The following PRRG4 variants were observed in gnomAD, a reference collection of about 807,000 sequenced individuals.
PRRG4 encodes the protein transmembrane gamma-carboxyglutamic acid protein 4.
Under a neutral mutation model 20.0 loss-of-function variants are expected in PRRG4, and 12 were observed. The observed-to-expected ratio is 0.60, with a 90% CI of 0.38 to 0.97. PRRG4 has a LOEUF of 0.97. PRRG4 is among the 50% of genes least tolerant of loss of function. PRRG4 has a pLI of 0.00. For synonymous variants in PRRG4, 94 were observed against 96.4 expected, an observed-to-expected ratio of 0.98 and a Z score of 0.15; for missense variants, 199 against 265.1, an observed-to-expected ratio of 0.75 and a Z score of 1.73.
chr11:32,857,501 C>A lies in PRRG4; in HGVS notation c.*3974C>A, dbSNP rs2133456148. The A allele has an allele frequency of 6.6e-6, 1 of 152,300 alleles. No individual in the cohort carries two copies. The highest frequency in any genetic ancestry group is 1.9e-4 in the East Asian group (1 of 5,178). 9.4% of individuals were successfully genotyped at this position (152,300 alleles called of 1,614,324 possible). ...TCTGAACAAATACATAGAGAAAACT[C>A]TCAGAACAATTAAAACCTGCAGAGC... On this transcript the variant is annotated 3_prime_UTR_variant, in exon 6 of 6. Coordinates refer to ENST00000257836, the MANE Select transcript of PRRG4 (RefSeq NM_024081.6).
At chr11:32,837,525 TG>T (rs1851032314) in intron 3 of PRRG4, among the ~76,000 whole-genome samples, 9 of 110,544 alleles carry the variant, frequency 8.1e-5, no homozygotes, top group African/African-American at 3.2e-4. Context: ...ATGATGATGA[TG>T]ATGATGATGA....
chr11:32,845,421 C>G (rs1237848603), intron 5 of PRRG4, among the ~76,000 whole-genome samples: 1 of 151,956 alleles, frequency 6.6e-6, no homozygotes, highest in East Asian at 1.9e-4. Flanking sequence ...GTCAGGAGAT[C>G]GAGACCATCC....
Position 32,840,494 on chromosome 11 carries a change from ATTAAC to A in PRRG4, c.449+257_449+261del, listed in dbSNP as rs929981573. On this transcript the variant is annotated intron_variant, in intron 5 of 5. Coordinates refer to ENST00000257836, the MANE Select transcript of PRRG4 (RefSeq NM_024081.6). This position sits in a 1 kb window ranked among gnomAD's most constrained non-coding sequence, Gnocchi z 4.1. Reference sequence around the variant, plus strand: ...AAGAAAATGACATTGGTTCATGACTATTAACTAAACTCCAGACTTTGATTTCAGCA... The same window carrying A: ...AAGAAAATGACATTGGTTCATGACTATAAACTCCAGACTTTGATTTCAGCA... 4.6e-5 allele frequency among the ~76,000 whole-genome samples: 7 copies of A among 152,192 alleles called. No homozygotes were observed. Among genetic ancestry groups the A allele is most frequent in the Admixed American group, 4.6e-4 (7 of 15,274 alleles).
chr11:32,830,300 C>T, intron 1 of PRRG4, 127 bp downstream of exon 1: 1 of 849,958 alleles, frequency 1.2e-6, no homozygotes, highest in Non-Finnish European at 1.6e-6. Context: ...GATCAGCCCT[C>T]GGCAGGGTCA....
At position 32,853,468 on chromosome 11, in the gene PRRG4, C is replaced by A. The variant is rs144327688; in HGVS notation, c.622C>A (p.Pro208Thr). ...CAGTGTTTCACCACCACCACCATAT[C>A]CTGGGCACACAAAAGGATTTAGGGT... The part of the protein sequence containing the change: ...KHSVSPPPPY[P>T]GHTKGFRVFK... The change falls in exon 6 of 6, where the codon CCT becomes ACT. Residue 208 changes from proline (P) to threonine (T), a missense_variant. Pro to Thr is a conservative substitution (Grantham distance 38). Coordinates refer to ENST00000257836, the MANE Select transcript of PRRG4 (RefSeq NM_024081.6). The A allele has an allele frequency of 6.2e-7, 1 of 1,614,002 alleles. No individual in the cohort carries two copies. The highest frequency in any genetic ancestry group is 1.3e-5 in the African/African-American group (1 of 74,902).
At chr11:32,837,747 A>G (rs1315563208) in intron 3 of PRRG4, among the ~76,000 whole-genome samples, 2 of 151,812 alleles carry the variant, frequency 1.3e-5, no homozygotes, top group African/African-American at 2.4e-5. Flanking sequence ...TAGTAGAGAC[A>G]GGGTTTCACC....
chr11:32,829,843 T>C (rs1005231046), upstream of PRRG4: 27 of 985,264 alleles, frequency 2.7e-5, no homozygotes, highest in Non-Finnish European at 3.1e-5. Flanking sequence ...GCCGGCCCAC[T>C]GCCCGCCCGC....
At chr11:32,835,617 G>A (rs988055144) in intron 2 of PRRG4, among the ~76,000 whole-genome samples, 3 of 152,152 alleles carry the variant, frequency 2.0e-5, no homozygotes, top group Admixed American at 1.3e-4. Flanking sequence ...AAATGTAAAG[G>A]GAACCTTATA....
At position 32,855,729 on chromosome 11, in the gene PRRG4, C is replaced by A. The variant is rs1484507064; in HGVS notation, c.*2202C>A. On this transcript the variant is annotated 3_prime_UTR_variant, in exon 6 of 6. Coordinates refer to ENST00000257836, the MANE Select transcript of PRRG4 (RefSeq NM_024081.6). ...AAATCTAACTTGCTTTTAAAAGTTA[C>A]CCACGTTGCATATAAAAATCTTGCT... 1.3e-5 allele frequency: 2 copies of A among 152,174 alleles called. No individual in the cohort carries two copies. The highest frequency in any genetic ancestry group is 2.4e-5 in the African/African-American group (1 of 41,434). The allele number at this position is 152,174 out of a possible 1,614,324, so 9.4% of individuals were successfully genotyped here.
At chr11:32,830,443 G>T (rs925496032) in intron 1 of PRRG4, 65 bp from the exon 2 acceptor site, 12 of 1,230,340 alleles carry the variant, frequency 9.8e-6, no homozygotes, top group African/African-American at 4.8e-5. Flanking sequence ...GATTCAGTTC[G>T]ACAGAAACTC....
At chr11:32,836,096 C>T (rs572596263) in intron 2 of PRRG4, among the ~76,000 whole-genome samples, 2 of 151,748 alleles carry the variant, frequency 1.3e-5, no homozygotes, top group South Asian at 4.2e-4. Flanking sequence ...AGTGAGGCCC[C>T]CTCTCAAAAA....
chr11:32,838,189 G>A lies in PRRG4; in HGVS notation c.268-693G>A, dbSNP rs185994517. ...TAAGATCTCCCAGAAGGGCACAGTG[G>A]CTCATGCTTGTAATCCCAGCACTTT... is the stretch of plus-strand genomic sequence containing the variant. On this transcript the variant is annotated intron_variant, in intron 3 of 5. Transcript: ENST00000257836. Among the ~76,000 whole-genome samples, 28 of 152,256 alleles carry A rather than the reference G, an allele frequency of 1.8e-4. No individual in the cohort carries two copies. The East Asian group carries it at 5.4e-3, about 29-fold the overall frequency.
At chr11:32,847,713 A>G (rs1178174094) in intron 5 of PRRG4, among the ~76,000 whole-genome samples, 1 of 152,246 alleles carries the variant, frequency 6.6e-6, no homozygotes, top group Non-Finnish European at 1.5e-5. Context: ...CCATAGTAGC[A>G]TTATTCAAAT....
At chr11:32,837,139 A>G (rs930653595) in intron 3 of PRRG4, among the ~76,000 whole-genome samples, 5 of 152,086 alleles carry the variant, frequency 3.3e-5, no homozygotes, top group African/African-American at 1.2e-4. Flanking sequence ...GGCTTCAATC[A>G]TTTATGGCGG....
At position 32,841,294 on chromosome 11, in the gene PRRG4, T is replaced by C. The variant is rs1366057209; in HGVS notation, c.449+1055T>C. 2.0e-5 allele frequency among the ~76,000 whole-genome samples: 3 copies of C among 152,190 alleles called. No individual in the cohort carries two copies. In the East Asian group the frequency reaches 5.8e-4, roughly 29 times the overall value. ...TTTATCATATATATTAGAAGACTCT[T>C]TGTCTTCTAAATTAATAATAGCTTT... is the stretch of plus-strand genomic sequence containing the variant. On this transcript the variant is annotated intron_variant, in intron 5 of 5. Transcript: ENST00000257836.
rs1305760474 is a variant in PRRG4, at chr11:32,840,488, A to G, written c.449+249A>G. Reference sequence around the variant, plus strand: ...AAAACTAAGAAAATGACATTGGTTCATGACTATTAACTAAACTCCAGACTT... The same window carrying G: ...AAAACTAAGAAAATGACATTGGTTCGTGACTATTAACTAAACTCCAGACTT... On this transcript the variant is annotated intron_variant, in intron 5 of 5. Coordinates refer to ENST00000257836, the MANE Select transcript of PRRG4 (RefSeq NM_024081.6). This position sits in a 1 kb window ranked among gnomAD's most constrained non-coding sequence, Gnocchi z 4.1. Among the ~76,000 whole-genome samples, 1 of 152,216 alleles carries G rather than the reference A, an allele frequency of 6.6e-6. No individual in the cohort carries two copies. The highest frequency in any genetic ancestry group is 1.5e-5 in the Non-Finnish European group (1 of 68,040).
rs376528766 is a variant in PRRG4, at chr11:32,853,368, G to A, written c.522G>A (p.Leu174=). The A allele has an allele frequency of 2.5e-6, 4 of 1,613,996 alleles. No individual in the cohort carries two copies. The highest frequency in any genetic ancestry group is 3.4e-6 in the Non-Finnish European group (4 of 1,180,028). Reference sequence around the variant, plus strand: ...TCAGAAGACCTGAGGAGGCTGCCTTGTCTCCATTGCCGCCTTCTGTGGAGG... The same window carrying A: ...TCAGAAGACCTGAGGAGGCTGCCTTATCTCCATTGCCGCCTTCTGTGGAGG... ...IIFRRPEEAA[L]SPLPPSVEDA... Residue 174 remains leucine, a synonymous_variant, in exon 6 of 6, where the codon TTG becomes TTA. Coordinates refer to ENST00000257836, the MANE Select transcript of PRRG4 (RefSeq NM_024081.6).
Position 32,856,038 on chromosome 11 carries a change from A to G in PRRG4, c.*2511A>G, listed in dbSNP as rs900830937. The G allele has an allele frequency of 6.6e-6, 1 of 152,218 alleles. No homozygotes were observed. The highest frequency in any genetic ancestry group is 1.5e-5 in the Non-Finnish European group (1 of 68,030). 9.4% of individuals were successfully genotyped at this position (152,218 alleles called of 1,614,324 possible). On this transcript the variant is annotated 3_prime_UTR_variant, in exon 6 of 6. Transcript: ENST00000257836. ...AATTCTAAGTTTGGGACAGAAATTT[A>G]CAAGCATTTCTCATATATACATACA... is the stretch of plus-strand genomic sequence containing the variant.
intron 5 of PRRG4, among the ~76,000 whole-genome samples, chr11:32,846,298 T>C (rs1001245907): frequency 1.6e-4 from 24 of 152,306 alleles, no homozygotes; most frequent in Non-Finnish European, 2.8e-4. Context: ...GCATGAGCCA[T>C]GGGGCCAAGC....
Sources: allele counts gnomAD v4.1 joint callset (sites outside exome capture counted in the v4.1 genomes callset), GRCh38; gene constraint gnomAD v4.1.1; non-coding constraint Gnocchi (gnomAD v3.1); transcripts MANE v1.5; gene names NCBI Gene and HGNC (gene_info 2026-07-23, HGNC 2026-07-21).